The following P2RX3 variants were observed in gnomAD, a reference collection of about 807,000 sequenced individuals.
P2RX3 encodes purinergic receptor P2X 3.
In P2RX3, 41 loss-of-function variants were observed where a neutral mutation model predicts 51.5. The observed-to-expected ratio is 0.80, with a 90% confidence interval of 0.62 to 1.03. The LOEUF is 1.03. P2RX3 is among the 50% of genes least tolerant of loss of function. The pLI, the probability that P2RX3 is intolerant of heterozygous loss-of-function variation, is 0.00. For missense variants in P2RX3, 459 were observed against 522.1 expected (o/e 0.88, Z 1.18); for synonymous variants, 185 against 191.6 (o/e 0.97, Z 0.29).
intron 8 of P2RX3, among the ~76,000 whole-genome samples, chr11:57,358,895 A>ACACT (rs1856671113): frequency 6.6e-6 from 1 of 152,144 alleles, no homozygotes; most frequent in South Asian, 2.1e-4. Flanking sequence ...ACTCACACAC[A>ACACT]CACGCACTCA....
At chr11:57,350,696 C>T in intron 7 of P2RX3, 66 bp from the exon 8 acceptor site, 1 of 1,589,588 alleles carries the variant, frequency 6.3e-7, no homozygotes. Context: ...CACCCCACCC[C>T]CACCCTGGCC....
rs373489074 is a variant in P2RX3 at position 57,365,276 on chromosome 11, G to A, written c.843-2733G>A. Among the ~76,000 whole-genome samples the A allele has an allele frequency of 1.2e-4, 18 of 152,332 alleles. No homozygotes were observed. In the South Asian group the frequency reaches 3.7e-3, roughly 32 times the overall value. On this transcript the variant is annotated intron_variant, in intron 8 of 11. Coordinates refer to ENST00000263314, the MANE Select transcript of P2RX3 (RefSeq NM_002559.5). ...AAGGTGCATTCCAGGTAAAGGGAAG[G>A]GAACTAACCAGGCCAGTGAAGGGCC...
At chr11:57,349,952 C>T (rs1164606936) in intron 7 of P2RX3, 54 bp downstream of exon 7, 7 of 1,606,498 alleles carry the variant, frequency 4.4e-6, no homozygotes, top group Non-Finnish European at 6.0e-6. Context: ...TCAGCCCTTT[C>T]CCAGATTTCA....
At chr11:57,349,193 T>A (rs1856496988) in intron 6 of P2RX3, among the ~76,000 whole-genome samples, 1 of 151,104 alleles carries the variant, frequency 6.6e-6, no homozygotes, top group African/African-American at 2.4e-5. Flanking sequence ...CCAGGCGCAG[T>A]GACAAATGCC....
At position 57,369,957 on chromosome 11, in the gene P2RX3, A is replaced by G; in HGVS notation, c.1154A>G (p.Lys385Arg). 1 of 1,614,022 alleles carries G rather than the reference A, an allele frequency of 6.2e-7. No individual in the cohort carries two copies. The highest frequency in any genetic ancestry group is 8.5e-7 in the Non-Finnish European group (1 of 1,179,964). ...CCCAGCGACCAGACCACAGCGGAGA[A>G]GCAGTCCACCGATTCGGGGGCCTTC... ...VYPSDQTTAE[K>R]QSTDSGAFSI... Residue 385 changes from lysine (K) to arginine (R), a missense_variant, in exon 12 of 12, where the codon AAG becomes AGG. Lys to Arg is a conservative substitution (Grantham distance 26). Transcript: ENST00000263314.
chr11:57,350,423 G>A (rs1856524105), intron 7 of P2RX3: 3 of 221,812 alleles, frequency 1.4e-5, no homozygotes, highest in African/African-American at 2.3e-5. Context: ...CTCAGCTTCC[G>A]GAGTAGCTGG....
chr11:57,348,777 G>A, intron 6 of P2RX3, 73 bp downstream of exon 6: 2 of 1,084,686 alleles, frequency 1.8e-6, no homozygotes, highest in South Asian at 1.3e-5. Flanking sequence ...TCAGGGAAGT[G>A]GAGATGCCCC....
Position 57,350,990 on chromosome 11 carries a change from C to A in P2RX3, c.842+92C>A, listed in dbSNP as rs1856537963. The A allele has an allele frequency of 2.6e-6, 4 of 1,561,462 alleles. No individual in the cohort carries two copies. The Admixed American group carries it at 5.2e-5, about 20-fold the overall frequency. ...GGAGACAAGATCCCACATCCATCCA[C>A]CCACCCCTGGCCCCAAGTCCCACCT... On this transcript the variant is annotated intron_variant, in intron 8 of 11. Coordinates refer to ENST00000263314, the MANE Select transcript of P2RX3 (RefSeq NM_002559.5).
At chr11:57,348,071 C>T in intron 4 of P2RX3, 99 bp from the exon 5 acceptor site, 2 of 1,105,166 alleles carry the variant, frequency 1.8e-6, no homozygotes, top group East Asian at 5.5e-5. Flanking sequence ...TTTTCCCCCA[C>T]TTGCCAGGGT....
In P2RX3 at chr11:57,368,114, G is replaced by A. The variant is rs770965908; in HGVS notation, c.936+12G>A. The stretch of plus-strand genomic sequence containing the variant: ...TGGTATACGGGAATGTGAGTCCATG[G>A]GCCAGGCAGATGGGGTGGACAGGGG... On this transcript the variant is annotated intron_variant, in intron 9 of 11. Coordinates refer to ENST00000263314, the MANE Select transcript of P2RX3 (RefSeq NM_002559.5). 1 of 1,612,762 alleles carries A rather than the reference G, an allele frequency of 6.2e-7. No homozygotes were observed. The highest frequency in any genetic ancestry group is 8.5e-7 in the Non-Finnish European group (1 of 1,178,804).
intron 8 of P2RX3, among the ~76,000 whole-genome samples, chr11:57,363,318 A>G (rs543378122): frequency 5.3e-4 from 80 of 152,334 alleles, no homozygotes; most frequent in South Asian, 1.0e-3. Context: ...TAGCATTGCT[A>G]GTTGCTATAA....
intron 8 of P2RX3, among the ~76,000 whole-genome samples, chr11:57,366,873 T>A (rs1856805353): frequency 5.9e-5 from 9 of 152,072 alleles, no homozygotes; most frequent in Admixed American, 5.9e-4. Flanking sequence ...CATTAATCCA[T>A]TAATCCATGA....
intron 3 of P2RX3, 68 bp from the exon 4 acceptor site, chr11:57,347,347 G>C (rs1047326851): frequency 1.3e-6 from 2 of 1,529,858 alleles, no homozygotes; most frequent in African/African-American, 1.4e-5. Context: ...TGGGGAGGTC[G>C]AGGGAGTCGC....
chr11:57,368,717 T>G (rs1231263121), intron 10 of P2RX3, among the ~76,000 whole-genome samples: 1 of 152,072 alleles, frequency 6.6e-6, no homozygotes, highest in African/African-American at 2.4e-5. Flanking sequence ...ACCGTATAGC[T>G]GGGGGAGGAG....
chr11:57,349,907 C>T lies in P2RX3; in HGVS notation c.705+9C>T. The T allele has an allele frequency of 6.2e-7, 1 of 1,614,022 alleles. No homozygotes were observed. The highest frequency in any genetic ancestry group is 1.1e-5 in the South Asian group (1 of 91,084). On this transcript the variant is annotated intron_variant, in intron 7 of 11. Coordinates refer to ENST00000263314, the MANE Select transcript of P2RX3 (RefSeq NM_002559.5). Reference sequence around the variant, plus strand: ...CCAAACTGGCGCGCACGGTGAGGACCTAGCCATTCTTCCGCGACCCCAAAC... The same window carrying T: ...CCAAACTGGCGCGCACGGTGAGGACTTAGCCATTCTTCCGCGACCCCAAAC...
chr11:57,346,304 G>T (rs931002153), intron 1 of P2RX3, among the ~76,000 whole-genome samples: 8 of 152,212 alleles, frequency 5.3e-5, no homozygotes, highest in Admixed American at 2.6e-4. Flanking sequence ...TGGAGGGGGG[G>T]ACCACTAGGG....
chr11:57,356,860 G>T (rs1856638831), intron 8 of P2RX3, among the ~76,000 whole-genome samples: 1 of 152,130 alleles, frequency 6.6e-6, no homozygotes, highest in South Asian at 2.1e-4. Flanking sequence ...CAATTAGAGT[G>T]ATCTTGGATT....
chr11:57,371,377 G>A lies in P2RX3; in HGVS notation c.*1380G>A, dbSNP rs1159845202. On this transcript the variant is annotated 3_prime_UTR_variant, in exon 12 of 12. Coordinates refer to ENST00000263314, the MANE Select transcript of P2RX3 (RefSeq NM_002559.5). The stretch of plus-strand genomic sequence containing the variant: ...GCTCATGCAAGTGAATGAGCCTAAA[G>A]AATGTTTCAATAGCTTCATGATAAA... 6.6e-6 allele frequency among the ~76,000 whole-genome samples: 1 copy of A among 152,244 alleles called. No homozygotes were observed. The highest frequency in any genetic ancestry group is 1.5e-5 in the Non-Finnish European group (1 of 68,044).
chr11:57,342,968 G>A (rs765794940), intron 1 of P2RX3, among the ~76,000 whole-genome samples: 10 of 152,170 alleles, frequency 6.6e-5, no homozygotes, highest in Non-Finnish European at 1.2e-4. Flanking sequence ...CACGCCTTCC[G>A]CTCTATAAAT....
Sources: gnomAD v4.1 joint callset for allele counts (sites outside exome capture counted in the v4.1 genomes callset) on GRCh38, gnomAD v4.1.1 for gene constraint, MANE v1.5 for transcripts, NCBI Gene and HGNC (gene_info 2026-07-23, HGNC 2026-07-21) for gene names.